The following CA10 variants were observed in gnomAD, a reference collection of about 807,000 sequenced individuals.
The protein encoded by CA10 is carbonic anhydrase 10 (inactive), also known as carbonic anhydrase-related protein 10.
In CA10, 14 loss-of-function variants were observed where a neutral mutation model predicts 44.2. The observed-to-expected ratio is 0.32, with a 90% CI of 0.21 to 0.50. The LOEUF (loss-of-function observed/expected upper bound fraction) is 0.50. Among genes scored for constraint, CA10 ranks in the 20% least tolerant of loss-of-function variants. The pLI is 0.99. For synonymous variants in CA10, 159 were observed against 141.6 expected (o/e 1.12, Z -0.87); for missense variants, 350 against 409.7 (o/e 0.85, Z 1.26).
intron 2 of CA10, among the ~76,000 whole-genome samples, chr17:52,056,582 T>C (rs1292819057): frequency 1.3e-5 from 2 of 152,078 alleles, no homozygotes; most frequent in East Asian, 3.9e-4. Context: ...CTACATTTTA[T>C]AAGTGTCCAC....
chr17:52,109,105 A>C (rs556394521), intron 1 of CA10, among the ~76,000 whole-genome samples: 2 of 152,334 alleles, frequency 1.3e-5, no homozygotes, highest in East Asian at 3.9e-4. Context: ...CTGTAAGTTT[A>C]TTACAACAGC....
chr17:51,820,317 G>A (rs1907722496), intron 3 of CA10, among the ~76,000 whole-genome samples: 1 of 150,236 alleles, frequency 6.7e-6, no homozygotes, highest in African/African-American at 2.5e-5. Flanking sequence ...GACACACAGT[G>A]GGTATTCAGT....
chr17:52,150,036 C>G (rs777709351), intron 1 of CA10, among the ~76,000 whole-genome samples: 63 of 152,154 alleles, frequency 4.1e-4, no homozygotes, highest in Non-Finnish European at 7.8e-4. Flanking sequence ...CCATCTCAAC[C>G]TCATCCATCA....
intron 3 of CA10, among the ~76,000 whole-genome samples, chr17:51,844,322 G>A (rs1178205714): frequency 6.6e-6 from 1 of 152,116 alleles, no homozygotes; most frequent in Admixed American, 6.5e-5. Context: ...AGAATATGTT[G>A]TGAAATCATG....
At chr17:52,027,840 G>T (rs1009379098) in intron 2 of CA10, among the ~76,000 whole-genome samples, 1 of 152,182 alleles carries the variant, frequency 6.6e-6, no homozygotes, top group Admixed American at 6.5e-5. Context: ...CAGTGACACA[G>T]TGTATCTAAT....
intron 3 of CA10, among the ~76,000 whole-genome samples, chr17:51,839,983 T>G (rs1167641734): frequency 6.6e-6 from 1 of 152,210 alleles, no homozygotes; most frequent in Non-Finnish European, 1.5e-5. Flanking sequence ...TCAACTCCTT[T>G]TACAGATAAA....
At chr17:51,986,688 A>C (rs760339667) in intron 2 of CA10, among the ~76,000 whole-genome samples, 3 of 152,094 alleles carry the variant, frequency 2.0e-5, no homozygotes, top group Admixed American at 6.6e-5. Flanking sequence ...CCCATCACAA[A>C]GTCGGCTATG....
chr17:52,103,999 T>A (rs1567734469), intron 1 of CA10, among the ~76,000 whole-genome samples: 1 of 152,216 alleles, frequency 6.6e-6, no homozygotes, highest in Non-Finnish European at 1.5e-5. Context: ...CTTGGGCCAA[T>A]GACCATACTT....
chr17:52,060,435 T>C, intron 2 of CA10, among the ~76,000 whole-genome samples: 1 of 152,162 alleles, frequency 6.6e-6, no homozygotes, highest in East Asian at 1.9e-4. Context: ...TTACCAGTAA[T>C]GTATCCAGGT....
chr17:52,134,076 G>A (rs758783373), intron 1 of CA10, among the ~76,000 whole-genome samples: 2 of 152,152 alleles, frequency 1.3e-5, no homozygotes, highest in Non-Finnish European at 2.9e-5. Context: ...GTTTCAAAGA[G>A]CTGTTCCCCC....
chr17:51,899,340 T>C (rs1981211274), intron 3 of CA10, among the ~76,000 whole-genome samples: 2 of 152,198 alleles, frequency 1.3e-5, no homozygotes, highest in South Asian at 4.1e-4. Flanking sequence ...AGCAGGTTGT[T>C]TAACTTCCAT....
intron 2 of CA10, among the ~76,000 whole-genome samples, chr17:51,955,449 T>C (rs1325895847): frequency 1.3e-5 from 2 of 152,162 alleles, no homozygotes; most frequent in Non-Finnish European, 2.9e-5. Context: ...CTTCTCCAGG[T>C]AACTCATGCT....
At chr17:51,926,754 CTGG>C (rs1336335309) in intron 3 of CA10, among the ~76,000 whole-genome samples, 1 of 152,152 alleles carries the variant, frequency 6.6e-6, no homozygotes, top group East Asian at 1.9e-4. Context: ...AGGGGTTTGC[CTGG>C]ATAGTCCAGG....
chr17:51,695,803 G>T (rs953958990), intron 4 of CA10, among the ~76,000 whole-genome samples: 1 of 152,146 alleles, frequency 6.6e-6, no homozygotes, highest in African/African-American at 2.4e-5. Flanking sequence ...CTGTGGTTTT[G>T]TCATAGATGG....
rs555859103 is a variant in CA10, at chr17:51,971,211, G to A, written c.137-40079C>T. ...TGAGGAGTGCCTAGAAATGAACCTA[G>A]AATAAAACATGCTCATTTTTACAGG... On this transcript the variant is annotated intron_variant, in intron 2 of 8. Coordinates refer to ENST00000451037, the MANE Select transcript of CA10 (RefSeq NM_020178.5). 1.5e-4 allele frequency among the ~76,000 whole-genome samples: 23 copies of A among 152,066 alleles called. No individual in the cohort carries two copies. The East Asian group carries it at 4.3e-3, about 28-fold the overall frequency.
intron 2 of CA10, among the ~76,000 whole-genome samples, chr17:51,965,298 G>A (rs117573408): frequency 3.1e-4 from 47 of 151,756 alleles, no homozygotes; most frequent in Non-Finnish European, 6.5e-4. Context: ...AATTCTACCC[G>A]ACAAAGAAAA....
intron 3 of CA10, among the ~76,000 whole-genome samples, chr17:51,832,096 A>G (rs1006739118): frequency 1.3e-5 from 2 of 152,164 alleles, no homozygotes; most frequent in African/African-American, 2.4e-5. Context: ...ATTGTCAGAG[A>G]GACCTGGGTT....
chr17:52,051,325 T>G (rs1464969268), intron 2 of CA10, among the ~76,000 whole-genome samples: 1 of 151,858 alleles, frequency 6.6e-6, no homozygotes. Context: ...AAAGAACTTC[T>G]GCACAGCAAA....
intron 2 of CA10, among the ~76,000 whole-genome samples, chr17:51,967,984 A>G (rs1008372203): frequency 2.0e-4 from 31 of 151,812 alleles, no homozygotes; most frequent in African/African-American, 7.0e-4. Context: ...TTGAGGTATA[A>G]GTAATCTAAT....
Sources: allele counts gnomAD v4.1 joint callset (sites outside exome capture counted in the v4.1 genomes callset), GRCh38; gene constraint gnomAD v4.1.1; transcripts MANE v1.5; gene names NCBI Gene and HGNC (gene_info 2026-07-23, HGNC 2026-07-21).